The following OXCT1 variants were observed in gnomAD, a reference collection of about 807,000 sequenced individuals.
OXCT1 encodes the protein succinyl-CoA:3-ketoacid coenzyme A transferase 1, mitochondrial.
OXCT1 carries 27 observed loss-of-function variants against 69.6 expected under a neutral mutation model. The ratio of observed to expected loss-of-function variants is 0.39; its 90% CI spans 0.29 to 0.54. OXCT1 has a LOEUF of 0.54. Among genes scored for constraint, OXCT1 ranks in the 20% least tolerant of loss-of-function variants. The pLI is 0.72. For missense variants in OXCT1, 437 were observed against 650.2 expected (o/e 0.67, Z 3.57); for synonymous variants, 202 against 217.8 (o/e 0.93, Z 0.64).
At chr5:41,771,841 G>A (rs1023497723) in intron 13 of OXCT1, among the ~76,000 whole-genome samples, 8 of 152,088 alleles carry the variant, frequency 5.3e-5, no homozygotes, top group African/African-American at 1.4e-4. Context: ...CCACTGAATC[G>A]CTGAGAGAAA....
At chr5:41,777,309 A>C (rs1314464073) in intron 13 of OXCT1, among the ~76,000 whole-genome samples, 1 of 152,176 alleles carries the variant, frequency 6.6e-6, no homozygotes, top group African/African-American at 2.4e-5. Context: ...CCAGCTACTT[A>C]GGAGGCTGAG....
rs536576435 is a variant in OXCT1, at chr5:41,759,757, C to T, written c.1338+2354G>A. ...ACCTGCAAATTAACTGTAACCCTAT[C>T]GATAAGGAAATAGATAGCCCTACCC... On this transcript the variant is annotated intron_variant, in intron 14 of 16. Transcript: ENST00000196371. Among the ~76,000 whole-genome samples, 66 of 152,136 alleles carry T rather than the reference C, an allele frequency of 4.3e-4. 1 individual carries two copies. The highest frequency in any genetic ancestry group is 1.6e-3 in the African/African-American group (65 of 41,526).
At chr5:41,803,429 G>T (rs1214837678) in intron 9 of OXCT1, among the ~76,000 whole-genome samples, 2 of 151,990 alleles carry the variant, frequency 1.3e-5, no homozygotes, top group Non-Finnish European at 2.9e-5. Context: ...TAACAAAAAT[G>T]TAAGCACATT....
intron 13 of OXCT1, among the ~76,000 whole-genome samples, chr5:41,781,660 G>T (rs1745407319): frequency 6.6e-6 from 1 of 152,146 alleles, no homozygotes; most frequent in Non-Finnish European, 1.5e-5. Context: ...TGGTGTCCAT[G>T]TGTTTTCATC....
chr5:41,731,631 C>G lies in OXCT1; in HGVS notation c.*98G>C, dbSNP rs1054805600. 2.0e-6 allele frequency: 3 copies of G among 1,494,754 alleles called. No homozygotes were observed. The highest frequency in any genetic ancestry group is 2.5e-5 in the East Asian group (1 of 40,578). 92.6% of individuals were successfully genotyped at this position (1,494,754 alleles called of 1,614,324 possible). On this transcript the variant is annotated 3_prime_UTR_variant, in exon 17 of 17. Transcript: ENST00000196371. Reference sequence around the variant, plus strand: ...AAACACAAGAAAACTAATAAAAAACCACCTGTTAAATACACAATTATGATT... The same window carrying G: ...AAACACAAGAAAACTAATAAAAAACGACCTGTTAAATACACAATTATGATT...
At chr5:41,760,655 G>GT (rs905726137) in intron 14 of OXCT1, among the ~76,000 whole-genome samples, 1 of 152,030 alleles carries the variant, frequency 6.6e-6, no homozygotes, top group African/African-American at 2.4e-5. Context: ...GTCTGAAAGA[G>GT]TTTTTTCCAA....
chr5:41,828,327 G>C (rs919232960), intron 7 of OXCT1, among the ~76,000 whole-genome samples: 13 of 151,490 alleles, frequency 8.6e-5, no homozygotes, highest in Non-Finnish European at 1.8e-4. Context: ...TGTTGGCCAG[G>C]CTGGCCAACT....
intron 14 of OXCT1, among the ~76,000 whole-genome samples, chr5:41,759,552 G>A (rs527304848): frequency 9.9e-5 from 15 of 152,222 alleles, no homozygotes; most frequent in African/African-American, 1.7e-4. Context: ...CGTTGCAGAG[G>A]TAGTCTGAGG....
chr5:41,737,458 C>A (rs1742942062), intron 16 of OXCT1, among the ~76,000 whole-genome samples: 1 of 151,950 alleles, frequency 6.6e-6, no homozygotes, highest in African/African-American at 2.4e-5. Context: ...AAAAACTGAA[C>A]ATTCTGTGGA....
At chr5:41,845,132 T>C (rs146505237) in intron 5 of OXCT1, among the ~76,000 whole-genome samples, 2,187 of 152,274 alleles carry the variant, frequency 0.014, 101 homozygotes, top group South Asian at 0.084. Flanking sequence ...CTCTGCCTCA[T>C]GTGCTGTTCC....
intron 8 of OXCT1, 129 bp from the exon 9 acceptor site, chr5:41,805,810 C>G: frequency 1.5e-6 from 1 of 687,686 alleles, no homozygotes; most frequent in Non-Finnish European, 2.6e-6. Flanking sequence ...CTGCAATATA[C>G]CAGATATTTA....
At chr5:41,761,509 A>G (rs1579679378) in intron 14 of OXCT1, among the ~76,000 whole-genome samples, 1 of 152,108 alleles carries the variant, frequency 6.6e-6, no homozygotes, top group Non-Finnish European at 1.5e-5. Context: ...GAGATCAGTA[A>G]TTTTTGTCCA....
At chr5:41,734,297 A>AT (rs1742781075) in intron 16 of OXCT1, among the ~76,000 whole-genome samples, 1 of 152,196 alleles carries the variant, frequency 6.6e-6, no homozygotes, top group African/African-American at 2.4e-5. Flanking sequence ...TATGGAATAC[A>AT]TTTTTAATTT....
intron 16 of OXCT1, among the ~76,000 whole-genome samples, chr5:41,737,846 G>A (rs1742965065): frequency 6.6e-6 from 1 of 152,314 alleles, no homozygotes; most frequent in African/African-American, 2.4e-5. Flanking sequence ...ACAAGGTCAG[G>A]AGATCGAGAC....
At chr5:41,854,035 G>A (rs1475068627) in intron 3 of OXCT1, among the ~76,000 whole-genome samples, 4 of 152,174 alleles carry the variant, frequency 2.6e-5, no homozygotes, top group African/African-American at 9.7e-5. Flanking sequence ...TTCTAAAAAG[G>A]AGAGAGGGGC....
In OXCT1 at chr5:41,859,889, AAT is replaced by A. The variant is rs113518106; in HGVS notation, c.278+1423_278+1424del. Among the ~76,000 whole-genome samples the A allele has an allele frequency of 5.9e-3, 520 of 88,026 alleles. 4 individuals carry two copies. The highest frequency in any genetic ancestry group is 7.8e-3 in the South Asian group (19 of 2,428). 57.7% of individuals were successfully genotyped at this position (88,026 alleles called of 152,430 possible). A position where few individuals can be genotyped will look rare whatever the true frequency, so the allele number is the denominator to read the frequency against. On this transcript the variant is annotated intron_variant, in intron 3 of 16. Transcript: ENST00000196371. The stretch of plus-strand genomic sequence containing the variant: ...AATATATATATATATATATATATGT[AAT>A]ATATATATATATATATACACACACA...
At chr5:41,773,718 A>G (rs1353721642) in intron 13 of OXCT1, among the ~76,000 whole-genome samples, 1 of 152,020 alleles carries the variant, frequency 6.6e-6, no homozygotes, top group East Asian at 1.9e-4. Flanking sequence ...AAAAGCATAT[A>G]TAGGAATATA....
At chr5:41,825,440 T>C (rs904665241) in intron 7 of OXCT1, among the ~76,000 whole-genome samples, 3 of 152,228 alleles carry the variant, frequency 2.0e-5, no homozygotes, top group Non-Finnish European at 4.4e-5. Context: ...TCTTAGGAAC[T>C]GTTAACTGTT....
At chr5:41,855,374 C>G (rs1404784684) in intron 3 of OXCT1, among the ~76,000 whole-genome samples, 7 of 152,150 alleles carry the variant, frequency 4.6e-5, no homozygotes, top group Admixed American at 4.6e-4. Flanking sequence ...TGTAAAACTC[C>G]ATCAAACTGT....
Sources: gnomAD v4.1 joint callset for allele counts (sites outside exome capture counted in the v4.1 genomes callset) on GRCh38, gnomAD v4.1.1 for gene constraint, MANE v1.5 for transcripts, NCBI Gene and HGNC (gene_info 2026-07-23, HGNC 2026-07-21) for gene names.